Variants in DENND1A observed in about 807,000 individuals in gnomAD.
DENND1A encodes the protein DENN domain containing 1A, also known as DENN domain-containing protein 1A.
In DENND1A, 51 loss-of-function variants were observed where a neutral mutation model predicts 113.7. That is an observed-to-expected ratio of 0.45 (90% confidence interval 0.36 to 0.57). The LOEUF (loss-of-function observed/expected upper bound fraction) is 0.57. Among genes scored for constraint, DENND1A ranks in the 20% least tolerant of loss-of-function variants. The pLI, the probability that DENND1A is intolerant of heterozygous loss-of-function variation, is 0.00. For missense variants in DENND1A, 1,258 were observed against 1,395.9 expected (o/e 0.90, Z 1.57); for synonymous variants, 565 against 570.8 (o/e 0.99, Z 0.14).
intron 2 of DENND1A, among the ~76,000 whole-genome samples, chr9:123,804,646 G>A (rs530929094): frequency 1.4e-4 from 22 of 152,180 alleles, no homozygotes; most frequent in Admixed American, 9.8e-4. Flanking sequence ...TCCACTTGAC[G>A]TCTCAAATTT....
intron 1 of DENND1A, among the ~76,000 whole-genome samples, chr9:123,910,258 G>A (rs529308576): frequency 6.1e-4 from 93 of 152,224 alleles, no homozygotes; most frequent in African/African-American, 2.1e-3. Flanking sequence ...TACTTTAAAG[G>A]TACAGTAATT....
At chr9:123,520,772 G>A (rs1482015668) in intron 13 of DENND1A, among the ~76,000 whole-genome samples, 1 of 152,210 alleles carries the variant, frequency 6.6e-6, no homozygotes, top group Non-Finnish European at 1.5e-5. Context: ...ACCCACAACT[G>A]AATGCTTCCT....
chr9:123,499,942 C>A lies in DENND1A; in HGVS notation c.994-42045G>T, dbSNP rs984145099. On this transcript the variant is annotated intron_variant, in intron 13 of 23. Transcript: ENST00000394215. ...GCACAGAGCGAGCATCCTGCCACTG[C>A]CGAATGAATCGATGAGCAAGGAAGC... Among the ~76,000 whole-genome samples, 5 of 152,300 alleles carry A rather than the reference C, an allele frequency of 3.3e-5. No individual in the cohort carries two copies. In the East Asian group the frequency reaches 9.6e-4, roughly 29 times the overall value.
chr9:123,455,925 T>G (rs1267631658), intron 15 of DENND1A, among the ~76,000 whole-genome samples: 4 of 152,218 alleles, frequency 2.6e-5, no homozygotes, highest in Non-Finnish European at 5.9e-5. Flanking sequence ...AATGCGTTTC[T>G]ACTCCTTTTC....
chr9:123,526,611 A>G (rs890960306), intron 13 of DENND1A, among the ~76,000 whole-genome samples: 2 of 152,206 alleles, frequency 1.3e-5, no homozygotes, highest in Admixed American at 6.5e-5. Context: ...GATCCCCAAG[A>G]CTTTCTAATG....
intron 19 of DENND1A, among the ~76,000 whole-genome samples, chr9:123,418,399 C>T (rs561160136): frequency 1.6e-4 from 24 of 152,294 alleles, no homozygotes; most frequent in African/African-American, 3.1e-4. Context: ...GATATGAAAC[C>T]GGCATTTATG....
intron 5 of DENND1A, among the ~76,000 whole-genome samples, chr9:123,697,131 T>C (rs1186997489): frequency 1.3e-5 from 2 of 152,198 alleles, no homozygotes; most frequent in Non-Finnish European, 2.9e-5. Flanking sequence ...TCCCCAGATA[T>C]TTTGCTTGCC....
chr9:123,513,351 C>T (rs941387047), intron 13 of DENND1A, among the ~76,000 whole-genome samples: 23 of 152,234 alleles, frequency 1.5e-4, no homozygotes, highest in African/African-American at 4.1e-4. Context: ...CCTCTTTATA[C>T]GTCGGATGCA....
intron 10 of DENND1A, among the ~76,000 whole-genome samples, chr9:123,612,000 GT>G (rs2060439756): frequency 6.6e-6 from 1 of 152,194 alleles, no homozygotes; most frequent in Non-Finnish European, 1.5e-5. Flanking sequence ...CAGAAATGTA[GT>G]TTTCTTAGCC....
chr9:123,381,422 A>C lies in DENND1A; in HGVS notation c.*10T>G. 6.2e-7 allele frequency: 1 copy of C among 1,612,086 alleles called. No individual in the cohort carries two copies. The highest frequency in any genetic ancestry group is 1.1e-5 in the South Asian group (1 of 91,020). On this transcript the variant is annotated 3_prime_UTR_variant, in exon 24 of 24. Transcript: ENST00000394215. The surrounding 1 kb of genome is among the most constrained non-coding windows in gnomAD (Gnocchi z 4.7). ...GGGCCTCGGTGCATCCCCCACCCTC[A>C]GGGCCCGGCTCACTCGAAGGTCTCC...
intron 2 of DENND1A, among the ~76,000 whole-genome samples, chr9:123,819,831 C>T (rs1276073917): frequency 6.6e-6 from 1 of 152,120 alleles, no homozygotes; most frequent in East Asian, 1.9e-4. Context: ...GCCACCATGC[C>T]CAGCTGGGAT....
At chr9:123,591,114 T>G (rs1408951955) in intron 11 of DENND1A, among the ~76,000 whole-genome samples, 1 of 152,236 alleles carries the variant, frequency 6.6e-6, no homozygotes, top group Non-Finnish European at 1.5e-5. Context: ...GTCTGTTTGA[T>G]AAACACTCTA....
chr9:123,585,012 A>G (rs974345894), intron 11 of DENND1A, among the ~76,000 whole-genome samples: 1 of 152,146 alleles, frequency 6.6e-6, no homozygotes, highest in Non-Finnish European at 1.5e-5. Flanking sequence ...AGGGCAGAAC[A>G]TGGTACCTAA....
intron 21 of DENND1A, chr9:123,400,345 G>A (rs538332085): frequency 8.0e-4 from 122 of 152,300 alleles, no homozygotes; most frequent in African/African-American, 2.9e-3. Context: ...TAAAAAAATC[G>A]TCCGTGCTTG....
chr9:123,532,705 G>A (rs1316721906), intron 13 of DENND1A, among the ~76,000 whole-genome samples: 2 of 152,098 alleles, frequency 1.3e-5, no homozygotes, highest in Non-Finnish European at 2.9e-5. Context: ...TAAAATAAAA[G>A]TCCCTTCTTT....
intron 21 of DENND1A, among the ~76,000 whole-genome samples, chr9:123,390,410 C>T (rs1018991683): frequency 7.2e-5 from 11 of 152,246 alleles, no homozygotes; most frequent in Admixed American, 3.3e-4. Context: ...AAGAATGGGA[C>T]GATGTTTGAA....
intron 2 of DENND1A, among the ~76,000 whole-genome samples, chr9:123,839,053 C>T (rs926499322): frequency 6.6e-6 from 1 of 152,138 alleles, no homozygotes; most frequent in Non-Finnish European, 1.5e-5. Flanking sequence ...CTGGAGGCCA[C>T]GGGGACCATC....
At chr9:123,643,977 A>G (rs1053664341) in intron 9 of DENND1A, among the ~76,000 whole-genome samples, 2 of 152,202 alleles carry the variant, frequency 1.3e-5, no homozygotes, top group African/African-American at 2.4e-5. Context: ...CTCTAAGTAC[A>G]AGTGTCACAG....
At chr9:123,861,551 T>G (rs1429036505) in intron 2 of DENND1A, among the ~76,000 whole-genome samples, 1 of 152,140 alleles carries the variant, frequency 6.6e-6, no homozygotes, top group African/African-American at 2.4e-5. Flanking sequence ...TAGTTCTGGT[T>G]GTACAAAAAG....
Sources: allele counts gnomAD v4.1 joint callset (sites outside exome capture counted in the v4.1 genomes callset), GRCh38; gene constraint gnomAD v4.1.1; non-coding constraint Gnocchi (gnomAD v3.1); transcripts MANE v1.5; gene names NCBI Gene and HGNC (gene_info 2026-07-23, HGNC 2026-07-21).